Variants in ZNF106 observed in about 807,000 individuals in gnomAD.
ZNF106 encodes the protein SH3-domain binding protein 3.
A neutral mutation model predicts 195.1 loss-of-function variants in ZNF106; 67 were observed. The observed-to-expected ratio is 0.34, with a 90% CI of 0.28 to 0.42. The LOEUF (loss-of-function observed/expected upper bound fraction) is 0.42, where lower values mean the gene tolerates loss of function less well. Among genes scored for constraint, ZNF106 ranks in the 10% least tolerant of loss-of-function variants. ZNF106 has a pLI of 1.00. For synonymous variants in ZNF106, 784 were observed against 818.6 expected (o/e 0.96, Z 0.72); for missense variants, 2,118 against 2,304.5 (o/e 0.92, Z 1.66).
intron 14 of ZNF106, among the ~76,000 whole-genome samples, chr15:42,434,911 TTACAG>T (rs1567003423): frequency 6.6e-6 from 1 of 152,014 alleles, no homozygotes; most frequent in Non-Finnish European, 1.5e-5. Context: ...GTAGCTGCAA[TTACAG>T]GCATGCACCA....
intron 9 of ZNF106, among the ~76,000 whole-genome samples, chr15:42,442,618 T>C (rs1007010130): frequency 5.4e-5 from 8 of 149,188 alleles, no homozygotes; most frequent in African/African-American, 2.0e-4. Flanking sequence ...AACATTCTTT[T>C]TTTTTTTTTT....
Position 42,448,115 on chromosome 15 carries a change from T to G in ZNF106, c.3092A>C (p.Gln1031Pro), listed in dbSNP as rs765778009. 32 of 1,613,910 alleles carry G rather than the reference T, an allele frequency of 2.0e-5. No homozygotes were observed. The highest frequency in any genetic ancestry group is 2.7e-5 in the African/African-American group (2 of 74,928). ...TDSSCTSGAE[Q>P]NDGQSIRKKR... Reference sequence around the variant, plus strand: ...CTTTCTAATACTTTGGCCATCATTTTGTTCAGCACCAGAGGTACAGCTACT... The same window carrying G: ...CTTTCTAATACTTTGGCCATCATTTGGTTCAGCACCAGAGGTACAGCTACT... Residue 1031 changes from glutamine to proline, a missense_variant, in exon 6 of 22, where the codon CAA (glutamine) becomes CCA (proline). By Grantham distance (76) the Gln-to-Pro change is moderately conservative. Transcript: ENST00000564754.
intron 1 of ZNF106, among the ~76,000 whole-genome samples, chr15:42,482,106 A>C (rs1299004834): frequency 6.6e-6 from 1 of 152,110 alleles, no homozygotes; most frequent in Non-Finnish European, 1.5e-5. Flanking sequence ...CATCCAGTTT[A>C]AATTTTTATT....
chr15:42,441,880 G>A, intron 10 of ZNF106, 193 bp downstream of exon 10: 1 of 436,506 alleles, frequency 2.3e-6, no homozygotes, highest in East Asian at 3.5e-5. Context: ...GAAAGAAAAT[G>A]ACTGATATTT....
chr15:42,428,796 C>T (rs192712224), intron 14 of ZNF106, among the ~76,000 whole-genome samples: 33 of 152,244 alleles, frequency 2.2e-4, no homozygotes, highest in Admixed American at 2.1e-3. Context: ...CGGAGTCCTG[C>T]TCTGTCGCCC....
intron 1 of ZNF106, among the ~76,000 whole-genome samples, chr15:42,475,564 T>G (rs748151646): frequency 6.6e-6 from 1 of 152,260 alleles, no homozygotes. Flanking sequence ...CCTTTGTGGA[T>G]AGGTACAGTA....
intron 3 of ZNF106, chr15:42,457,491 C>G: frequency 8.5e-7 from 1 of 1,177,956 alleles, no homozygotes; most frequent in Non-Finnish European, 1.1e-6. Context: ...TCAGAGCAAG[C>G]AGAAGTTGCT....
intron 1 of ZNF106, among the ~76,000 whole-genome samples, chr15:42,476,118 C>T (rs2056780889): frequency 6.6e-6 from 1 of 152,066 alleles, no homozygotes; most frequent in Admixed American, 6.6e-5. Context: ...TTCTAATCTG[C>T]ATGTATTAAG....
Position 42,427,143 on chromosome 15 carries a change from A to G in ZNF106, c.4998+875T>C, listed in dbSNP as rs552325948. ...CTATCGATTCTACCTCTTGGATTAT[A>G]TATTTCCTCCATTCCCTTCTCTTCA... On this transcript the variant is annotated intron_variant, in intron 15 of 21. Transcript: ENST00000564754. Among the ~76,000 whole-genome samples, 18 of 152,296 alleles carry G rather than the reference A, an allele frequency of 1.2e-4. No homozygotes were observed. In the South Asian group the frequency reaches 3.7e-3, roughly 32 times the overall value.
chr15:42,467,037 G>A (rs1394119458), intron 2 of ZNF106, among the ~76,000 whole-genome samples: 4 of 152,192 alleles, frequency 2.6e-5, no homozygotes, highest in African/African-American at 9.7e-5. Flanking sequence ...GGAGGCTGAG[G>A]CAGGAGAATC....
chr15:42,462,171 T>C (rs2056406324), intron 3 of ZNF106, among the ~76,000 whole-genome samples: 1 of 152,168 alleles, frequency 6.6e-6, no homozygotes, highest in East Asian at 1.9e-4. Context: ...ATCCACATAA[T>C]TTAAAATGGT....
rs1018957729 is a variant in ZNF106 at position 42,450,848 on chromosome 15, G to A, written c.1424C>T (p.Ser475Phe). The change falls in exon 5 of 22, where the codon TCC (serine) becomes TTC (phenylalanine). Residue 475 changes from serine to phenylalanine, a missense_variant. By Grantham distance (155) the Ser-to-Phe change is radical. Transcript: ENST00000564754. ...HTPNKMPSLK[S>F]PLLPCPATKS... Reference sequence around the variant, plus strand: ...AGTGGCTGGACATGGAAGGAGTGGGGATTTCAATGATGGCATTTTATTTGG... The same window carrying A: ...AGTGGCTGGACATGGAAGGAGTGGGAATTTCAATGATGGCATTTTATTTGG... The A allele has an allele frequency of 1.2e-6, 2 of 1,614,172 alleles. No homozygotes were observed. The highest frequency in any genetic ancestry group is 1.3e-5 in the African/African-American group (1 of 75,040).
In ZNF106 at chr15:42,450,924, C is replaced by G; in HGVS notation, c.1348G>C (p.Glu450Gln). The change falls in exon 5 of 22, where the codon GAG becomes CAG. Residue 450 changes from glutamate (E) to glutamine (Q), a missense_variant. Glu to Gln is a conservative substitution (Grantham distance 29). Transcript: ENST00000564754. ...KASSDSAASF[E>Q]VVRQCPTAEK... is the part of the protein sequence containing the mutation. ...GCAGTGGGGCACTGTCTCACCACCT[C>G]GAAGGAAGCAGCGGAATCAGAAGAG... The G allele has an allele frequency of 6.2e-7, 1 of 1,614,120 alleles. No homozygotes were observed. The highest frequency in any genetic ancestry group is 8.5e-7 in the Non-Finnish European group (1 of 1,180,042).
intron 13 of ZNF106, among the ~76,000 whole-genome samples, chr15:42,436,957 A>AAG (rs1391942638): frequency 6.6e-6 from 1 of 152,206 alleles, no homozygotes; most frequent in East Asian, 1.9e-4. Context: ...GGGAGGGAAA[A>AAG]AGAGACTCCA....
Position 42,413,996 on chromosome 15 carries a change from T to C in ZNF106, c.*3308A>G, listed in dbSNP as rs1355817821. 1.3e-5 allele frequency: 2 copies of C among 152,234 alleles called. No individual in the cohort carries two copies. The highest frequency in any genetic ancestry group is 2.9e-5 in the Non-Finnish European group (2 of 68,044). The allele number at this position is 152,234 out of a possible 1,614,324, so 9.4% of individuals were successfully genotyped here. ...ACGAACTGCCATTTAAACACTAGCA[T>C]AGGTACACAAAAAGATTTATACTAT... On this transcript the variant is annotated 3_prime_UTR_variant, in exon 22 of 22. Coordinates refer to ENST00000564754, the MANE Select transcript of ZNF106 (RefSeq NM_001366845.3).
chr15:42,442,186 T>A lies in ZNF106; in HGVS notation c.3650A>T (p.Asp1217Val). 6.2e-7 allele frequency: 1 copy of A among 1,614,070 alleles called. No individual in the cohort carries two copies. The change falls in exon 10 of 22, where the codon GAC (aspartate) becomes GTC (valine). Residue 1217 changes from aspartate (D) to valine (V), a missense_variant. By Grantham distance (152) the Asp-to-Val change is radical. Coordinates refer to ENST00000564754, the MANE Select transcript of ZNF106 (RefSeq NM_001366845.3). Reference protein sequence around the residue: ...FQTHGSVPAPDSSVQIKQEPM... With the variant: ...FQTHGSVPAPVSSVQIKQEPM... ...CTCTTGTTTAATCTGAACTGATGAG[T>A]CTGGAGCAGGGACACTGCCATGGGT...
chr15:42,452,986 G>A (rs758531413), intron 4 of ZNF106, among the ~76,000 whole-genome samples: 5 of 152,048 alleles, frequency 3.3e-5, no homozygotes, highest in Non-Finnish European at 7.3e-5. Context: ...GAGCCACTGC[G>A]CCCGGCCTAG....
chr15:42,460,686 C>A (rs970391049), intron 3 of ZNF106, among the ~76,000 whole-genome samples: 47 of 152,054 alleles, frequency 3.1e-4, no homozygotes, highest in Admixed American at 2.4e-3. Context: ...CACGGAGAAA[C>A]CCCGTTTCTA....
chr15:42,465,876 G>A (rs2141404522), intron 3 of ZNF106, among the ~76,000 whole-genome samples, 177 bp downstream of exon 3: 1 of 152,306 alleles, frequency 6.6e-6, no homozygotes. Context: ...AGGTATCAGA[G>A]TTTATCCCTT....
Sources: gnomAD v4.1 joint callset for allele counts (sites outside exome capture counted in the v4.1 genomes callset) on GRCh38, gnomAD v4.1.1 for gene constraint, MANE v1.5 for transcripts, NCBI Gene and HGNC (gene_info 2026-07-23, HGNC 2026-07-21) for gene names.